UGT1A8: variants seen among roughly 807,000 people sequenced by gnomAD.
UGT1A8 encodes the protein UDP-glucuronosyltransferase 1A8.
Under a neutral mutation model 45.3 loss-of-function variants are expected in UGT1A8, and 39 were observed. The observed-to-expected ratio is 0.86, with a 90% CI of 0.67 to 1.12. UGT1A8 has a LOEUF of 1.12. Ranked by LOEUF, UGT1A8 falls within the 50% of genes most tolerant of loss-of-function variation. UGT1A8 has a pLI of 0.00. For missense variants in UGT1A8, 719 were observed against 664.9 expected (o/e 1.08, Z -0.90); for synonymous variants, 275 against 249.2 (o/e 1.10, Z -0.97).
At chr2:233,692,903 A>G in intron 1 of UGT1A8, 1 of 1,546,668 alleles carries the variant, frequency 6.5e-7, no homozygotes. Context: ...GGTAGACAGG[A>G]CCTGTGAAAA....
rs566395719 is a variant in UGT1A8, at chr2:233,675,506, T to G, written c.855+56944T>G. Among the ~76,000 whole-genome samples the G allele has an allele frequency of 3.3e-5, 5 of 152,176 alleles. No individual in the cohort carries two copies. In the South Asian group the frequency reaches 1.0e-3, roughly 32 times the overall value. On this transcript the variant is annotated intron_variant, in intron 1 of 4. Coordinates refer to ENST00000373450, the MANE Select transcript of UGT1A8 (RefSeq NM_019076.5). ...TCTGGGGGTGGGATATGGTTACAGA[T>G]AAATAAGAGATCTGTGCTTCCCCCC...
intron 1 of UGT1A8, chr2:233,648,457 TTTTA>T: frequency 1.9e-5 from 3 of 157,238 alleles, no homozygotes; most frequent in East Asian, 1.8e-4. Context: ...TTATTATTAT[TTTTA>T]TTTATTTATT....
At chr2:233,693,417 T>A in intron 1 of UGT1A8, 1 of 1,614,112 alleles carries the variant, frequency 6.2e-7, no homozygotes, top group Non-Finnish European at 8.5e-7. Flanking sequence ...ACCCTGAACT[T>A]CTTTAAGGAG....
chr2:233,704,756 A>G (rs1028041408), intron 1 of UGT1A8, among the ~76,000 whole-genome samples: 2 of 152,104 alleles, frequency 1.3e-5, no homozygotes, highest in Non-Finnish European at 2.9e-5. Flanking sequence ...TTATTGTCAA[A>G]TATATTACGC....
At chr2:233,735,935 C>T (rs1483779972) in intron 1 of UGT1A8, among the ~76,000 whole-genome samples, 1 of 151,986 alleles carries the variant, frequency 6.6e-6, no homozygotes, top group Non-Finnish European at 1.5e-5. Context: ...CTGTGGCTGC[C>T]CTTAACATTT....
chr2:233,772,237 A>G (rs1390917406), intron 4 of UGT1A8, 25 bp from the exon 5 acceptor site: 5 of 1,614,058 alleles, frequency 3.1e-6, no homozygotes, highest in Middle Eastern at 1.7e-4. Context: ...TGTTCCAGGC[A>G]TAACGAAACT....
At chr2:233,714,474 A>G (rs2076389157) in intron 1 of UGT1A8, among the ~76,000 whole-genome samples, 1 of 152,148 alleles carries the variant, frequency 6.6e-6, no homozygotes, top group African/African-American at 2.4e-5. Context: ...GTAATAGGAG[A>G]ATGTTTCTTG....
chr2:233,717,705 C>T (rs1452341997), intron 1 of UGT1A8: 2 of 450,484 alleles, frequency 4.4e-6, no homozygotes, highest in Non-Finnish European at 9.0e-6. Context: ...TGGAGCAGGA[C>T]GAGCCTCATG....
intron 1 of UGT1A8, among the ~76,000 whole-genome samples, chr2:233,687,773 G>T (rs976216243): frequency 6.6e-6 from 1 of 152,010 alleles, no homozygotes; most frequent in South Asian, 2.1e-4. Context: ...GGGCCTGGTG[G>T]CATATGCCTG....
chr2:233,769,154 T>C lies in UGT1A8; in HGVS notation c.1295+715T>C, dbSNP rs528869254. ...CAGCTTTTTGCAGCACTGGAACCTG[T>C]GAGAAATTTTGTCCATGGAGTTTAT... On this transcript the variant is annotated intron_variant, in intron 4 of 4. Coordinates refer to ENST00000373450, the MANE Select transcript of UGT1A8 (RefSeq NM_019076.5). This position sits in a 1 kb window ranked among gnomAD's most constrained non-coding sequence, Gnocchi z 4.4. Among the ~76,000 whole-genome samples the C allele has an allele frequency of 1.3e-5, 2 of 152,310 alleles. No individual in the cohort carries two copies. Among genetic ancestry groups the C allele is most frequent in the South Asian group, 4.1e-4 (2 of 4,822 alleles).
At chr2:233,679,924 T>C (rs1292357581) in intron 1 of UGT1A8, among the ~76,000 whole-genome samples, 1 of 152,168 alleles carries the variant, frequency 6.6e-6, no homozygotes, top group African/African-American at 2.4e-5. Context: ...GAGACAAAAA[T>C]GTATTTCACA....
At chr2:233,647,940 G>A in intron 1 of UGT1A8, 1 of 1,605,558 alleles carries the variant, frequency 6.2e-7, no homozygotes. Context: ...CCATGGATGG[G>A]AGCCACTGGT....
chr2:233,767,774 T>C lies in UGT1A8; in HGVS notation c.988-75T>C, dbSNP rs749703763. On this transcript the variant is annotated intron_variant, in intron 2 of 4. Transcript: ENST00000373450. ...GTTCCTTCAGAGGACCCCTGTTTTC[T>C]AGTTAGTATAGCAGATTTGTTTTCT... The C allele has an allele frequency of 2.2e-5, 36 of 1,612,214 alleles. No homozygotes were observed. In the South Asian group the frequency reaches 3.9e-4, roughly 17 times the overall value.
intron 1 of UGT1A8, among the ~76,000 whole-genome samples, chr2:233,651,435 G>T (rs2073739099): frequency 6.6e-6 from 1 of 152,064 alleles, no homozygotes; most frequent in Admixed American, 6.5e-5. Flanking sequence ...AAAAATACAT[G>T]TTTTTTTGTA....
chr2:233,693,391 C>T, intron 1 of UGT1A8: 1 of 1,614,172 alleles, frequency 6.2e-7, no homozygotes, highest in Non-Finnish European at 8.5e-7. Flanking sequence ...GCCAGAGCCT[C>T]CTGCAGGACA....
At chr2:233,720,101 A>G (rs12468356) in intron 1 of UGT1A8, among the ~76,000 whole-genome samples, 12,183 of 152,260 alleles carry the variant, frequency 0.08, 621 homozygotes, top group East Asian at 0.2. Flanking sequence ...TAGTGGTCCC[A>G]TCTTGCGAAA....
chr2:233,673,169 G>A (rs2074252812), intron 1 of UGT1A8, among the ~76,000 whole-genome samples: 1 of 151,870 alleles, frequency 6.6e-6, no homozygotes, highest in Non-Finnish European at 1.5e-5. Flanking sequence ...AGTACTTTAG[G>A]TATATACAAT....
At chr2:233,637,467 G>A (rs949194984) in intron 1 of UGT1A8, 62 of 1,499,882 alleles carry the variant, frequency 4.1e-5, no homozygotes, top group African/African-American at 5.6e-5. Flanking sequence ...TGACATTTTC[G>A]TTTGTTGCAT....
At chr2:233,737,783 T>C (rs2125810890) in intron 1 of UGT1A8, among the ~76,000 whole-genome samples, 1 of 152,286 alleles carries the variant, frequency 6.6e-6, no homozygotes, top group Non-Finnish European at 1.5e-5. Context: ...GTTAACTACA[T>C]TGGCTCAAAT....
Sources: gnomAD v4.1 joint callset for allele counts (sites outside exome capture counted in the v4.1 genomes callset) on GRCh38, gnomAD v4.1.1 for gene constraint, Gnocchi (gnomAD v3.1) non-coding constraint, MANE v1.5 for transcripts, NCBI Gene and HGNC (gene_info 2026-07-23, HGNC 2026-07-21) for gene names.